DMD: variants seen among roughly 807,000 people sequenced by gnomAD.
DMD encodes the protein dystrophin.
DMD carries 63 observed loss-of-function variants against 330.1 expected under a neutral mutation model. The ratio of observed to expected loss-of-function variants is 0.19; its 90% confidence interval spans 0.16 to 0.24. DMD has a LOEUF of 0.24. DMD is among the 10% of genes least tolerant of loss of function. The pLI, the probability that DMD is intolerant of heterozygous loss-of-function variation, is 1.00. For synonymous variants in DMD, 1,223 were observed against 959.8 expected, an observed-to-expected ratio of 1.27 and a Z score of -5.07; for missense variants, 3,344 against 2,684.1, an observed-to-expected ratio of 1.25 and a Z score of -5.43.
intron 44 of DMD, among the ~76,000 whole-genome samples, chrX:32,053,505 T>C (rs747728561): frequency 9.0e-6 from 1 of 111,437 alleles, no homozygotes; most frequent in Non-Finnish European, 1.9e-5. Context: ...TTCACTACTT[T>C]TAGCACAGCT....
At chrX:32,428,849 T>C (rs2098224065) in intron 29 of DMD, among the ~76,000 whole-genome samples, 1 of 111,596 alleles carries the variant, frequency 9.0e-6, no homozygotes, top group Non-Finnish European at 1.9e-5. Flanking sequence ...TGACCTCAGG[T>C]GAGCCACCCA....
intron 21 of DMD, among the ~76,000 whole-genome samples, chrX:32,479,351 C>A (rs949873753): frequency 1.7e-4 from 19 of 110,981 alleles, no homozygotes; most frequent in Admixed American, 1.4e-3. Context: ...GTGTCCACCA[C>A]GCAGTACTAG....
At chrX:32,334,668 A>AT (rs1168433972) in intron 41 of DMD, among the ~76,000 whole-genome samples, 3 of 111,246 alleles carry the variant, frequency 2.7e-5, no homozygotes, top group Non-Finnish European at 5.7e-5. Flanking sequence ...TGTTCTTCCC[A>AT]TTTTTTTCTA....
At chrX:32,135,247 A>C (rs1239002385) in intron 44 of DMD, among the ~76,000 whole-genome samples, 2 of 112,645 alleles carry the variant, frequency 1.8e-5, no homozygotes, top group Non-Finnish European at 3.7e-5. Flanking sequence ...GTAATAAAAA[A>C]ACTTTTATGG....
intron 44 of DMD, among the ~76,000 whole-genome samples, chrX:32,195,302 G>C (rs1413734246): frequency 9.0e-6 from 1 of 111,117 alleles, no homozygotes; most frequent in Non-Finnish European, 1.9e-5. Flanking sequence ...ATATGCTCAG[G>C]TGAACAAGCA....
intron 44 of DMD, among the ~76,000 whole-genome samples, chrX:32,033,556 G>A (rs2076377966): frequency 9.8e-6 from 1 of 102,078 alleles, no homozygotes; most frequent in Non-Finnish European, 2.0e-5. Context: ...TCCTTGCCAG[G>A]GAATAAACTG....
At chrX:31,983,682 A>G (rs1193274893) in intron 44 of DMD, among the ~76,000 whole-genome samples, 1 of 111,871 alleles carries the variant, frequency 8.9e-6, no homozygotes, top group African/African-American at 3.2e-5. Context: ...CCATACAGAA[A>G]TGTTGATTTT....
chrX:33,287,252 A>G (rs2053447086), intron 1 of DMD, among the ~76,000 whole-genome samples: 1 of 111,333 alleles, frequency 9.0e-6, no homozygotes, highest in Non-Finnish European at 1.9e-5. Context: ...AGGGTTTTTC[A>G]AAAGTGGCAC....
chrX:33,060,437 G>T (rs979307874), intron 1 of DMD, among the ~76,000 whole-genome samples: 17 of 111,606 alleles, frequency 1.5e-4, no homozygotes, highest in African/African-American at 5.2e-4. Flanking sequence ...AGGTTGGGAA[G>T]CCTGAATAAA....
chrX:33,083,363 C>A (rs1391684810), intron 1 of DMD, among the ~76,000 whole-genome samples: 1 of 112,169 alleles, frequency 8.9e-6, no homozygotes, highest in Non-Finnish European at 1.9e-5. Flanking sequence ...CACCTCTTTC[C>A]GCACCCAATA....
intron 34 of DMD, among the ~76,000 whole-genome samples, chrX:32,374,562 T>A (rs1045585498): frequency 1.8e-5 from 2 of 111,970 alleles, no homozygotes; most frequent in African/African-American, 3.3e-5. Flanking sequence ...GAATAAGGTG[T>A]CCCTTCTCTG....
intron 2 of DMD, among the ~76,000 whole-genome samples, chrX:32,958,158 C>G (rs1416332251): frequency 2.7e-5 from 3 of 111,219 alleles, no homozygotes; most frequent in Non-Finnish European, 5.7e-5. Context: ...ATGTTCGTTC[C>G]TAATTCTTGA....
intron 44 of DMD, among the ~76,000 whole-genome samples, chrX:32,173,573 G>A (rs1432297698): frequency 1.8e-5 from 2 of 110,253 alleles, no homozygotes; most frequent in Admixed American, 1.9e-4. Context: ...GAGTTTCACC[G>A]TGTTAGCCAG....
chrX:32,545,828 G>A (rs139628849), intron 16 of DMD, among the ~76,000 whole-genome samples: 1,286 of 110,112 alleles, frequency 0.012, 8 homozygotes, highest in South Asian at 0.024. Context: ...ATTTCAACTT[G>A]GTAATGAACG....
At chrX:31,944,114 T>C (rs1438520751) in intron 45 of DMD, among the ~76,000 whole-genome samples, 1 of 111,900 alleles carries the variant, frequency 8.9e-6, no homozygotes, top group East Asian at 2.8e-4. Flanking sequence ...AGTATTTCCT[T>C]AAATGTGGTC....
chrX:33,330,257 G>A (rs2054151430), intron 1 of DMD, among the ~76,000 whole-genome samples: 1 of 111,070 alleles, frequency 9.0e-6, no homozygotes, highest in African/African-American at 3.3e-5. Context: ...TTTCCTAGGA[G>A]GAGTTGGGTG....
At chrX:32,589,889 T>C (rs1345476229) in intron 13 of DMD, among the ~76,000 whole-genome samples, 2 of 111,155 alleles carry the variant, frequency 1.8e-5, no homozygotes, top group Non-Finnish European at 3.8e-5. Context: ...TTCCCCAGAA[T>C]TTTCAGCACG....
rs768427661 is a variant in DMD, at chrX:31,669,321, AC to A, written c.7872+10053del. ...CAGCCATTCTAACAGGTGTAAGGTG[AC>A]ATCTCACTGCGATTGTAATATGCAT... On this transcript the variant is annotated intron_variant, in intron 53 of 78. Transcript: ENST00000357033. Among the ~76,000 whole-genome samples the A allele has an allele frequency of 2.1e-4, 24 of 112,175 alleles. No homozygotes were observed. In the East Asian group the frequency reaches 5.6e-3, roughly 26 times the overall value.
At chrX:32,557,501 T>C (rs1284925423) in intron 16 of DMD, among the ~76,000 whole-genome samples, 1 of 111,989 alleles carries the variant, frequency 8.9e-6, no homozygotes, top group African/African-American at 3.2e-5. Flanking sequence ...AGGCTTTTCA[T>C]TGCGTTGTCT....
Sources: gnomAD v4.1 joint callset for allele counts (sites outside exome capture counted in the v4.1 genomes callset) on GRCh38, gnomAD v4.1.1 for gene constraint, MANE v1.5 for transcripts, NCBI Gene and HGNC (gene_info 2026-07-23, HGNC 2026-07-21) for gene names.